The following STRN variants were observed in gnomAD, a reference collection of about 807,000 sequenced individuals.
The protein encoded by STRN is striatin, also known as protein phosphatase 2 regulatory subunit B'''alpha.
Under a neutral mutation model 96.3 loss-of-function variants are expected in STRN, and 53 were observed. That is an observed-to-expected ratio of 0.55 (90% CI 0.44 to 0.69). The LOEUF is 0.69. STRN is among the 30% of genes least tolerant of loss of function. STRN has a pLI of 0.00. For synonymous variants in STRN, 428 were observed against 355.9 expected (o/e 1.20, Z -2.28); for missense variants, 987 against 963.9 (o/e 1.02, Z -0.32).
At chr2:36,861,314 T>C (rs1339470606) in intron 12 of STRN, 61 bp from the exon 13 acceptor site, 2 of 1,571,028 alleles carry the variant, frequency 1.3e-6, no homozygotes, top group African/African-American at 2.7e-5. Flanking sequence ...ATAATATGAC[T>C]TGTTAAAAAT....
At chr2:36,943,203 G>C (rs1030499492) in intron 1 of STRN, among the ~76,000 whole-genome samples, 1 of 151,894 alleles carries the variant, frequency 6.6e-6, no homozygotes, top group African/African-American at 2.4e-5. Flanking sequence ...CAAACTTTAC[G>C]TAGACATATA....
At chr2:36,939,026 G>A (rs1203598387) in intron 1 of STRN, among the ~76,000 whole-genome samples, 4 of 150,866 alleles carry the variant, frequency 2.7e-5, no homozygotes, top group Admixed American at 2.6e-4. Context: ...TTGCTCTGTC[G>A]CCAGGCTGGA....
intron 1 of STRN, among the ~76,000 whole-genome samples, chr2:36,956,495 A>G (rs1384237324): frequency 1.3e-5 from 2 of 152,212 alleles, no homozygotes; most frequent in South Asian, 2.1e-4. Context: ...CCAAAGATCC[A>G]AGGACAATTT....
chr2:36,879,499 T>A (rs1461179042), intron 9 of STRN, among the ~76,000 whole-genome samples: 2 of 152,220 alleles, frequency 1.3e-5, no homozygotes, highest in Non-Finnish European at 2.9e-5. Context: ...ACAATCCAAT[T>A]CCTTCAACAA....
intron 1 of STRN, among the ~76,000 whole-genome samples, chr2:36,936,095 C>A (rs1670694073): frequency 6.6e-6 from 1 of 151,944 alleles, no homozygotes; most frequent in African/African-American, 2.4e-5. Context: ...TAAAAAAAAA[C>A]TTATGATGCC....
chr2:36,960,714 G>T (rs1220144268), intron 1 of STRN, among the ~76,000 whole-genome samples: 7 of 152,030 alleles, frequency 4.6e-5, no homozygotes, highest in Non-Finnish European at 1.0e-4. Flanking sequence ...TTTAAAGCAA[G>T]AATTTTAAAC....
At position 36,901,469 on chromosome 2, in the gene STRN, G is replaced by A. The variant is rs1002927234; in HGVS notation, c.659+1115C>T. Among the ~76,000 whole-genome samples, 7 of 150,872 alleles carry A rather than the reference G, an allele frequency of 4.6e-5. No homozygotes were observed. The East Asian group carries it at 9.8e-4, about 21-fold the overall frequency. The stretch of plus-strand genomic sequence containing the variant: ...CGGGAGGCTGAGGCAGGAGAATGGC[G>A]TGAACCCAGGAGGCAGAGTTTGCAG... On this transcript the variant is annotated intron_variant, in intron 5 of 17. Transcript: ENST00000263918.
In STRN at chr2:36,841,628, T is replaced by A. The variant is rs1667954513; in HGVS notation, c.*7828A>T. 1 of 152,216 alleles carries A rather than the reference T, an allele frequency of 6.6e-6. No individual in the cohort carries two copies. The highest frequency in any genetic ancestry group is 1.5e-5 in the Non-Finnish European group (1 of 68,042). The allele number at this position is 152,216 out of a possible 1,614,324, so 9.4% of individuals were successfully genotyped here. A position where few individuals can be genotyped will look rare whatever the true frequency, so the allele number is the denominator to read the frequency against. ...CGATTCTCATATTTTTTCATGAGAT[T>A]ATCACTTGGCTACTTTAGGATATTT... On this transcript the variant is annotated 3_prime_UTR_variant, in exon 18 of 18. Coordinates refer to ENST00000263918, the MANE Select transcript of STRN (RefSeq NM_003162.4).
At chr2:36,953,466 A>C (rs1422995878) in intron 1 of STRN, among the ~76,000 whole-genome samples, 1 of 149,796 alleles carries the variant, frequency 6.7e-6, no homozygotes, top group Non-Finnish European at 1.5e-5. Flanking sequence ...GCAGTGGCAC[A>C]ATCTCAGCTC....
chr2:36,872,414 G>A (rs970876995), intron 10 of STRN, among the ~76,000 whole-genome samples: 5 of 152,178 alleles, frequency 3.3e-5, no homozygotes, highest in African/African-American at 9.7e-5. Context: ...AAGTCTTCAG[G>A]TGATACTGCA....
intron 1 of STRN, among the ~76,000 whole-genome samples, chr2:36,942,854 C>T (rs1460306823): frequency 1.3e-5 from 2 of 151,586 alleles, no homozygotes; most frequent in Non-Finnish European, 2.9e-5. Context: ...CAACACCACA[C>T]CCAGCTAATT....
chr2:36,890,955 T>G (rs1669380290), intron 7 of STRN, among the ~76,000 whole-genome samples: 1 of 152,128 alleles, frequency 6.6e-6, no homozygotes, highest in South Asian at 2.1e-4. Flanking sequence ...ACACTACAGG[T>G]GACTATCCCT....
intron 10 of STRN, among the ~76,000 whole-genome samples, chr2:36,874,985 AGT>A (rs1668864685): frequency 6.6e-6 from 1 of 152,190 alleles, no homozygotes; most frequent in South Asian, 2.1e-4. Flanking sequence ...ATCCTAACTG[AGT>A]ATAGAGTGTA....
chr2:36,933,620 A>C (rs1670628333), intron 1 of STRN, among the ~76,000 whole-genome samples: 1 of 152,134 alleles, frequency 6.6e-6, no homozygotes, highest in African/African-American at 2.4e-5. Flanking sequence ...AACACCAAGC[A>C]TTTGTTTTTG....
At chr2:36,874,736 A>AC (rs1231480169) in intron 10 of STRN, among the ~76,000 whole-genome samples, 4 of 151,288 alleles carry the variant, frequency 2.6e-5, no homozygotes, top group African/African-American at 7.3e-5. Context: ...AAAAAAAAAA[A>AC]AAAACACCTC....
intron 1 of STRN, among the ~76,000 whole-genome samples, chr2:36,928,639 G>C (rs564821407): frequency 2.3e-4 from 34 of 146,292 alleles, no homozygotes; most frequent in African/African-American, 6.9e-4. Context: ...GCGACACAGT[G>C]AGACTCCATC....
chr2:36,867,119 T>A (rs1668648368), intron 12 of STRN, among the ~76,000 whole-genome samples: 1 of 152,236 alleles, frequency 6.6e-6, no homozygotes, highest in Non-Finnish European at 1.5e-5. Flanking sequence ...CTACAAAGTG[T>A]CAATGGTCTA....
At chr2:36,945,355 T>C (rs1349545470) in intron 1 of STRN, among the ~76,000 whole-genome samples, 1 of 152,152 alleles carries the variant, frequency 6.6e-6, no homozygotes, top group East Asian at 1.9e-4. Context: ...TTATCAAAAA[T>C]ACATAATGAC....
At chr2:36,862,954 A>T (rs1299730667) in intron 12 of STRN, among the ~76,000 whole-genome samples, 1 of 151,848 alleles carries the variant, frequency 6.6e-6, no homozygotes, top group Non-Finnish European at 1.5e-5. Flanking sequence ...TGATCTCCTG[A>T]CCTCATGATC....
Sources: allele counts gnomAD v4.1 joint callset (sites outside exome capture counted in the v4.1 genomes callset), GRCh38; gene constraint gnomAD v4.1.1; transcripts MANE v1.5; gene names NCBI Gene and HGNC (gene_info 2026-07-23, HGNC 2026-07-21).